The following CNOT1 variants were observed in gnomAD, a reference collection of about 807,000 sequenced individuals.
CNOT1 encodes the protein CCR4-associated factor 1.
A neutral mutation model predicts 273.8 loss-of-function variants in CNOT1; 15 were observed. The observed-to-expected ratio is 0.05, with a 90% CI of 0.04 to 0.08. The LOEUF (loss-of-function observed/expected upper bound fraction) is 0.08. Ranked by LOEUF, CNOT1 falls within the 10% of genes least tolerant of loss-of-function variation. CNOT1 has a pLI of 1.00. For missense variants in CNOT1, 1,644 were observed against 2,912.2 expected, an observed-to-expected ratio of 0.56 and a Z score of 10.02; for synonymous variants, 1,022 against 1,005.5, an observed-to-expected ratio of 1.02 and a Z score of -0.31.
At chr16:58,567,315 AAAC>A (rs2041080849) in intron 16 of CNOT1, among the ~76,000 whole-genome samples, 1 of 152,002 alleles carries the variant, frequency 6.6e-6, no homozygotes, top group Non-Finnish European at 1.5e-5. Context: ...GAGACTATTT[AAAC>A]AACAACAAAA....
At chr16:58,527,250 G>A (rs2039624157) in intron 44 of CNOT1, among the ~76,000 whole-genome samples, 1 of 152,136 alleles carries the variant, frequency 6.6e-6, no homozygotes, top group South Asian at 2.1e-4. Flanking sequence ...AAGGCCGGGT[G>A]CAGTGGCTCA....
intron 1 of CNOT1, among the ~76,000 whole-genome samples, chr16:58,628,742 T>A (rs16960325): frequency 0.013 from 1,954 of 152,330 alleles, 42 homozygotes; most frequent in African/African-American, 0.045. Flanking sequence ...ATTAACTTCA[T>A]GGGAAAAGTT....
Position 58,572,059 on chromosome 16 carries a change from G to A in CNOT1, c.1979+2550C>T, listed in dbSNP as rs367947425. 1.2e-4 allele frequency among the ~76,000 whole-genome samples: 19 copies of A among 152,106 alleles called. No homozygotes were observed. In the East Asian group the frequency reaches 2.3e-3, roughly 19 times the overall value. On this transcript the variant is annotated intron_variant, in intron 16 of 48. Transcript: ENST00000317147. Reference sequence around the variant, plus strand: ...AGCACTTTGGGACGCCAAGGCGGGCGGATCACCTGAGGTCAGGAGTTCGAG... The same window carrying A: ...AGCACTTTGGGACGCCAAGGCGGGCAGATCACCTGAGGTCAGGAGTTCGAG...
rs185450997 is a variant in CNOT1, at chr16:58,613,871, G to A, written c.-174-14360C>T. On this transcript the variant is annotated intron_variant, in intron 1 of 48. Coordinates refer to ENST00000317147, the MANE Select transcript of CNOT1 (RefSeq NM_016284.5). ...TGGGAGGCCGAGGCGGGTGGATCAC[G>A]AGGTCAGGAGATAGGGACCATCCTG... is the stretch of plus-strand genomic sequence containing the variant. 5.3e-3 allele frequency among the ~76,000 whole-genome samples: 637 copies of A among 120,890 alleles called. 181 individuals carry two copies. Among genetic ancestry groups the A allele is most frequent in the Non-Finnish European group, 3.9e-3 (199 of 51,174 alleles). The allele number at this position is 120,890 out of a possible 152,430, so 79.3% of individuals were successfully genotyped here. A position where few individuals can be genotyped will look rare whatever the true frequency, so the allele number is the denominator to read the frequency against.
rs142453612 is a variant in CNOT1, at chr16:58,521,551, G to T, written c.6918-234C>A. ...GTATTTATATAAAGTGCAGATAATG[G>T]TATCTACCTCACAGCTGTTCAGAAT... On this transcript the variant is annotated intron_variant, in intron 47 of 48. Coordinates refer to ENST00000317147, the MANE Select transcript of CNOT1 (RefSeq NM_016284.5). Among the ~76,000 whole-genome samples the T allele has an allele frequency of 4.7e-3, 714 of 152,290 alleles. 3 individuals are homozygous for T. The highest frequency in any genetic ancestry group is 0.016 in the African/African-American group (667 of 41,560).
intron 19 of CNOT1, among the ~76,000 whole-genome samples, chr16:58,556,194 A>G (rs977264996): frequency 1.3e-5 from 2 of 152,238 alleles, no homozygotes; most frequent in Non-Finnish European, 2.9e-5. Context: ...CCTTAATACA[A>G]CCTCATTAGG....
chr16:58,531,840 C>T, intron 42 of CNOT1, 118 bp downstream of exon 42: 1 of 1,251,818 alleles, frequency 8.0e-7, no homozygotes, highest in Non-Finnish European at 1.1e-6. Flanking sequence ...GCATTCCCAA[C>T]TAAGTTTGGA....
intron 1 of CNOT1, 105 bp from the exon 2 acceptor site, chr16:58,599,616 T>C (rs1319740841): frequency 1.3e-5 from 6 of 464,588 alleles, no homozygotes; most frequent in African/African-American, 9.6e-5. Context: ...TCACAACTAG[T>C]TGCAAATTAA....
At chr16:58,534,988 C>T (rs992679831) in intron 39 of CNOT1, among the ~76,000 whole-genome samples, 3 of 152,062 alleles carry the variant, frequency 2.0e-5, no homozygotes, top group Non-Finnish European at 4.4e-5. Flanking sequence ...ATGTGGGAAA[C>T]ACAAGTTTAT....
chr16:58,586,070 G>A (rs572967246), intron 7 of CNOT1, among the ~76,000 whole-genome samples: 4 of 149,716 alleles, frequency 2.7e-5, no homozygotes, highest in South Asian at 2.1e-4. Flanking sequence ...TTACAATGCC[G>A]ATATCCAAGG....
At chr16:58,606,583 A>AC (rs2042685976) in intron 1 of CNOT1, among the ~76,000 whole-genome samples, 1 of 152,116 alleles carries the variant, frequency 6.6e-6, no homozygotes, top group African/African-American at 2.4e-5. Flanking sequence ...CGGGAGGATC[A>AC]CCTGAGGTCA....
chr16:58,562,180 G>A (rs1463844167), intron 16 of CNOT1, among the ~76,000 whole-genome samples: 10 of 125,456 alleles, frequency 8.0e-5, no homozygotes, highest in East Asian at 2.8e-4. Context: ...GTGAGACTCC[G>A]TATCAAAAAA....
At position 58,614,623 on chromosome 16, in the gene CNOT1, A is replaced by G. The variant is rs926658011; in HGVS notation, c.-175+15105T>C. On this transcript the variant is annotated intron_variant, in intron 1 of 48. Coordinates refer to ENST00000317147, the MANE Select transcript of CNOT1 (RefSeq NM_016284.5). Reference sequence around the variant, plus strand: ...CTGGGAGAGGACACTTGGGAGCATGAGCCTAGTTTCCTCCCGGATTCACCC... The same window carrying G: ...CTGGGAGAGGACACTTGGGAGCATGGGCCTAGTTTCCTCCCGGATTCACCC... 1.6e-5 allele frequency among the ~76,000 whole-genome samples: 2 copies of G among 126,102 alleles called. 1 individual carries two copies. The highest frequency in any genetic ancestry group is 3.8e-5 in the Non-Finnish European group (2 of 52,754). 82.7% of individuals were successfully genotyped at this position (126,102 alleles called of 152,430 possible).
At chr16:58,572,528 A>G (rs1043578637) in intron 16 of CNOT1, among the ~76,000 whole-genome samples, 1 of 151,910 alleles carries the variant, frequency 6.6e-6, no homozygotes, top group African/African-American at 2.4e-5. Flanking sequence ...CAGCTACTTC[A>G]GAGTTTGAGG....
Position 58,578,822 on chromosome 16 carries a change from G to A in CNOT1, c.1461C>T (p.Ala487=), listed in dbSNP as rs1182782608. The change falls in exon 13 of 49, where the codon GCC becomes GCT. Residue 487 remains alanine, a synonymous_variant. Coordinates refer to ENST00000317147, the MANE Select transcript of CNOT1 (RefSeq NM_016284.5). ...GCCAAGAGGTGTTAATTTGTAGTAA[G>A]GCCAATACCAGCATGTCTGGACAGT... The part of the protein sequence containing the change: ...IKHCPDMLVL[A]LLQINTSWHT... 3.7e-6 allele frequency: 6 copies of A among 1,614,022 alleles called. No individual in the cohort carries two copies. Among genetic ancestry groups the A allele is most frequent in the Non-Finnish European group, 5.1e-6 (6 of 1,180,032 alleles).
Position 58,625,153 on chromosome 16 carries a change from A to G in CNOT1, c.-175+4575T>C, listed in dbSNP as rs1452374042. On this transcript the variant is annotated intron_variant, in intron 1 of 48. Coordinates refer to ENST00000317147, the MANE Select transcript of CNOT1 (RefSeq NM_016284.5). Reference sequence around the variant, plus strand: ...GTAATCCCAGAACTTTGGGAAGCTGAGGCAGGTAGATCACTTGAGGTCAGG... The same window carrying G: ...GTAATCCCAGAACTTTGGGAAGCTGGGGCAGGTAGATCACTTGAGGTCAGG... Among the ~76,000 whole-genome samples, 3 of 152,120 alleles carry G rather than the reference A, an allele frequency of 2.0e-5. No homozygotes were observed. The East Asian group carries it at 5.8e-4, about 29-fold the overall frequency.
At chr16:58,558,387 A>G in intron 18 of CNOT1, 86 bp downstream of exon 18, 8 of 1,573,696 alleles carry the variant, frequency 5.1e-6, no homozygotes, top group Non-Finnish European at 6.9e-6. Context: ...TCCTTATCAC[A>G]GTGACTCCAA....
chr16:58,582,546 A>C (rs1052753713), intron 10 of CNOT1, among the ~76,000 whole-genome samples: 1 of 152,228 alleles, frequency 6.6e-6, no homozygotes, highest in Non-Finnish European at 1.5e-5. Flanking sequence ...GTGGCAAGAT[A>C]ATTATGATTT....
chr16:58,593,666 T>G (rs1314399549), intron 2 of CNOT1, among the ~76,000 whole-genome samples: 4 of 151,528 alleles, frequency 2.6e-5, no homozygotes, highest in Non-Finnish European at 1.5e-5. Flanking sequence ...CCCAGGAGTT[T>G]GAGGAGATGA....
Sources: gnomAD v4.1 joint callset for allele counts (sites outside exome capture counted in the v4.1 genomes callset) on GRCh38, gnomAD v4.1.1 for gene constraint, MANE v1.5 for transcripts, NCBI Gene and HGNC (gene_info 2026-07-23, HGNC 2026-07-21) for gene names.